SMC5: variants seen among roughly 807,000 people sequenced by gnomAD.
SMC5 encodes the protein structural maintenance of chromosomes 5.
A neutral mutation model predicts 148.3 loss-of-function variants in SMC5; 88 were observed. That is an observed-to-expected ratio of 0.59 (90% CI 0.50 to 0.71). The LOEUF is 0.71. SMC5 is among the 30% of genes least tolerant of loss of function. SMC5 has a pLI of 0.00. For synonymous variants in SMC5, 421 were observed against 432.8 expected, an observed-to-expected ratio of 0.97 and a Z score of 0.34; for missense variants, 1,142 against 1,298.9, an observed-to-expected ratio of 0.88 and a Z score of 1.86.
chr9:70,311,070 G>C (rs1015654218), intron 11 of SMC5: 1 of 152,170 alleles, frequency 6.6e-6, no homozygotes, highest in African/African-American at 2.4e-5. Flanking sequence ...TTATTTGTGT[G>C]TACACTGGAG....
intron 8 of SMC5, among the ~76,000 whole-genome samples, chr9:70,296,976 A>G (rs930126764): frequency 2.0e-5 from 3 of 152,226 alleles, no homozygotes; most frequent in African/African-American, 7.2e-5. Flanking sequence ...ATTAGTCTGA[A>G]GTATTGGTAG....
chr9:70,277,806 C>T (rs767229159), intron 4 of SMC5, among the ~76,000 whole-genome samples: 9 of 151,848 alleles, frequency 5.9e-5, no homozygotes, highest in Non-Finnish European at 1.2e-4. Flanking sequence ...TGTTCGTATA[C>T]ATTATACATA....
chr9:70,263,966 C>G (rs546606180), intron 1 of SMC5, among the ~76,000 whole-genome samples: 2 of 152,120 alleles, frequency 1.3e-5, no homozygotes, highest in Non-Finnish European at 2.9e-5. Flanking sequence ...CGTGGCGTCT[C>G]CTATAAAATT....
In SMC5 at chr9:70,280,897, G is replaced by A. The variant is rs2034733031; in HGVS notation, c.817G>A (p.Val273Met). The change falls in exon 6 of 25, where the codon GTG (valine) becomes ATG (methionine). Residue 273 changes from valine to methionine, a missense_variant and splice_region_variant. This residue lies in a region of SMC5 where 9 missense variants were observed against 29.6 expected (regional missense o/e 0.30). Coordinates refer to ENST00000361138, the MANE Select transcript of SMC5 (RefSeq NM_015110.4). Reference sequence around the variant, plus strand: ...GATGCTTGAAGCAAAAAGGCCATGGGTGGTAAGTCATAATTTTTAGAGGCA... The same window carrying A: ...GATGCTTGAAGCAAAAAGGCCATGGATGGTAAGTCATAATTTTTAGAGGCA... ...IEMLEAKRPWVEYENVRQEYE... is the reference protein window; with the variant it reads ...IEMLEAKRPWMEYENVRQEYE... 6.2e-7 allele frequency: 1 copy of A among 1,613,432 alleles called. No homozygotes were observed. Among genetic ancestry groups the A allele is most frequent in the African/African-American group, 1.3e-5 (1 of 74,856 alleles).
intron 8 of SMC5, among the ~76,000 whole-genome samples, chr9:70,287,323 C>G (rs1442677186): frequency 1.3e-5 from 2 of 151,568 alleles, no homozygotes; most frequent in African/African-American, 4.9e-5. Context: ...TGGAGTCTTT[C>G]CTTGCTTATC....
intron 3 of SMC5, among the ~76,000 whole-genome samples, chr9:70,276,166 G>T (rs2034588198): frequency 6.6e-6 from 1 of 152,190 alleles, no homozygotes; most frequent in Admixed American, 6.5e-5. Context: ...TAGCAGTGAA[G>T]TATTTCTAGT....
chr9:70,321,875 T>C (rs1445761555), intron 15 of SMC5, among the ~76,000 whole-genome samples: 5 of 151,962 alleles, frequency 3.3e-5, no homozygotes, highest in Non-Finnish European at 7.4e-5. Context: ...TTTTTCCATA[T>C]CCTACCATAA....
At chr9:70,288,595 G>C (rs936735991) in intron 8 of SMC5, among the ~76,000 whole-genome samples, 10 of 151,882 alleles carry the variant, frequency 6.6e-5, no homozygotes, top group Admixed American at 2.0e-4. Flanking sequence ...ATGCATTATA[G>C]GATATAAATT....
At chr9:70,299,021 T>C (rs996481510) in intron 9 of SMC5, among the ~76,000 whole-genome samples, 4 of 151,848 alleles carry the variant, frequency 2.6e-5, no homozygotes, top group African/African-American at 7.2e-5. Flanking sequence ...ATAATATACA[T>C]ATCCTTTTTT....
intron 17 of SMC5, among the ~76,000 whole-genome samples, chr9:70,343,653 T>C (rs1462268698): frequency 6.6e-6 from 1 of 151,914 alleles, no homozygotes; most frequent in Non-Finnish European, 1.5e-5. Flanking sequence ...TTGTCTCTAC[T>C]AAAAACACAA....
At chr9:70,274,603 C>G (rs1164579714) in intron 3 of SMC5, among the ~76,000 whole-genome samples, 1 of 151,732 alleles carries the variant, frequency 6.6e-6, no homozygotes, top group Non-Finnish European at 1.5e-5. Context: ...AGCATATAAT[C>G]AATTTACAAA....
In SMC5 at chr9:70,265,203, G is replaced by A. The variant is rs373621663; in HGVS notation, c.327+758G>A. Reference sequence around the variant, plus strand: ...AAAAATGACAAAATATTGGCTGGGTGCGGTAGCTCATGCCTGTAATCCCAG... The same window carrying A: ...AAAAATGACAAAATATTGGCTGGGTACGGTAGCTCATGCCTGTAATCCCAG... On this transcript the variant is annotated intron_variant, in intron 2 of 24. Coordinates refer to ENST00000361138, the MANE Select transcript of SMC5 (RefSeq NM_015110.4). Among the ~76,000 whole-genome samples, 23 of 152,256 alleles carry A rather than the reference G, an allele frequency of 1.5e-4. No individual in the cohort carries two copies. In the South Asian group the frequency reaches 3.5e-3, roughly 23 times the overall value.
At chr9:70,270,977 C>T (rs1306807649) in intron 3 of SMC5, among the ~76,000 whole-genome samples, 1 of 152,074 alleles carries the variant, frequency 6.6e-6, no homozygotes, top group Non-Finnish European at 1.5e-5. Context: ...CTGAGTATCC[C>T]TTATCTGCAA....
chr9:70,278,574 C>T lies in SMC5; in HGVS notation c.627C>T (p.His209=). 28 of 1,610,998 alleles carry T rather than the reference C, an allele frequency of 1.7e-5. No homozygotes were observed. The highest frequency in any genetic ancestry group is 2.4e-5 in the Non-Finnish European group (28 of 1,178,876). ...TEKSIGPPEM[H]KYHCELKNLR... Reference sequence around the variant, plus strand: ...AGTCAATTGGTCCCCCAGAAATGCACAAATATCACTGTGAACTCAAAAACT... The same window carrying T: ...AGTCAATTGGTCCCCCAGAAATGCATAAATATCACTGTGAACTCAAAAACT... The change falls in exon 5 of 25, where the codon CAC becomes CAT. Residue 209 remains histidine (H), a synonymous_variant. Transcript: ENST00000361138.
At chr9:70,315,645 C>A in intron 13 of SMC5, 67 bp downstream of exon 13, 1 of 1,330,712 alleles carries the variant, frequency 7.5e-7, no homozygotes. Flanking sequence ...AACTTCTTAG[C>A]TAAAGGCAAG....
chr9:70,279,620 C>G (rs954609027), intron 5 of SMC5, among the ~76,000 whole-genome samples: 1 of 151,946 alleles, frequency 6.6e-6, no homozygotes, highest in African/African-American at 2.4e-5. Context: ...AGTTTGAGAC[C>G]AGCCTGGCCA....
At chr9:70,344,616 A>G (rs2036617759) in intron 18 of SMC5, 2 of 152,260 alleles carry the variant, frequency 1.3e-5, no homozygotes, top group South Asian at 4.1e-4. Context: ...TTCCCTGGAA[A>G]TTGGGGTGTT....
rs758418368 is a variant in SMC5, at chr9:70,259,197, C to A, written c.119C>A (p.Pro40Gln). 7 of 1,609,128 alleles carry A rather than the reference C, an allele frequency of 4.4e-6. No individual in the cohort carries two copies. Among genetic ancestry groups the A allele is most frequent in the Non-Finnish European group, 5.9e-6 (7 of 1,177,622 alleles). ...AGGAAGAATTCGGCCCCGCAGCTGCCGCTGTTGCAGTCGTCCGGGCCTTTC... is the reference window on the plus strand; with the variant it reads ...AGGAAGAATTCGGCCCCGCAGCTGCAGCTGTTGCAGTCGTCCGGGCCTTTC... ...SKRKNSAPQL[P>Q]LLQSSGPFVE... Residue 40 changes from proline (P) to glutamine (Q), a missense_variant, in exon 1 of 25, where the codon CCG becomes CAG. This residue lies in a region of SMC5 where 297 missense variants were observed against 302.6 expected (regional missense o/e 0.98). Transcript: ENST00000361138.
intron 7 of SMC5, among the ~76,000 whole-genome samples, chr9:70,285,454 C>T (rs2034870012): frequency 6.6e-6 from 1 of 152,218 alleles, no homozygotes; most frequent in Non-Finnish European, 1.5e-5. Flanking sequence ...GGCCTTCTAG[C>T]AGCATGTTGT....
Sources: allele counts gnomAD v4.1 joint callset (sites outside exome capture counted in the v4.1 genomes callset), GRCh38; gene constraint gnomAD v4.1.1; regional missense constraint gnomAD v4.1.1; transcripts MANE v1.5; gene names NCBI Gene and HGNC (gene_info 2026-07-23, HGNC 2026-07-21).